The following TMEM178B variants were observed in gnomAD, a reference collection of about 807,000 sequenced individuals.
TMEM178B encodes the protein transmembrane protein 178B.
Under a neutral mutation model 31.0 loss-of-function variants are expected in TMEM178B, and 5 were observed. The observed-to-expected ratio is 0.16, with a 90% confidence interval of 0.08 to 0.34. The LOEUF (loss-of-function observed/expected upper bound fraction) is 0.34. Among genes scored for constraint, TMEM178B ranks in the 10% least tolerant of loss-of-function variants. TMEM178B has a pLI of 1.00. For missense variants in TMEM178B, 275 were observed against 400.3 expected (o/e 0.69, Z 2.67); for synonymous variants, 164 against 164.0 (o/e 1.00, Z 0.00).
chr7:141,457,464 C>T (rs768179899), intron 3 of TMEM178B, among the ~76,000 whole-genome samples: 6 of 151,706 alleles, frequency 4.0e-5, no homozygotes, highest in Admixed American at 6.6e-5. Context: ...ACAGAAGATA[C>T]AGAAACTGAG....
chr7:141,110,110 G>A (rs182120880), intron 1 of TMEM178B, among the ~76,000 whole-genome samples: 187 of 152,294 alleles, frequency 1.2e-3, no homozygotes, highest in Non-Finnish European at 2.4e-3. Flanking sequence ...TTGGATTTTA[G>A]CAGCTTATTT....
At chr7:141,317,215 G>T (rs1052742109) in intron 2 of TMEM178B, among the ~76,000 whole-genome samples, 2 of 152,168 alleles carry the variant, frequency 1.3e-5, no homozygotes, top group African/African-American at 4.8e-5. Context: ...GTATTCAAAA[G>T]CAGCATCTAG....
At chr7:141,433,027 T>C (rs1160614370) in intron 2 of TMEM178B, among the ~76,000 whole-genome samples, 2 of 152,242 alleles carry the variant, frequency 1.3e-5, no homozygotes, top group Non-Finnish European at 2.9e-5. Context: ...GGATCAATGC[T>C]AAAACTCAAC....
chr7:141,483,025 C>T (rs2116749084), downstream of TMEM178B, among the ~76,000 whole-genome samples: 1 of 152,186 alleles, frequency 6.6e-6, no homozygotes, highest in Non-Finnish European at 1.5e-5. Flanking sequence ...TGACCCATGG[C>T]CAAGGTCTCC....
At position 141,408,181 on chromosome 7, in the gene TMEM178B, G is replaced by GA. The variant is rs35732847; in HGVS notation, c.497-29415dup. Among the ~76,000 whole-genome samples the GA allele has an allele frequency of 8.3e-3, 1,193 of 142,888 alleles. 12 individuals are homozygous for GA. Among genetic ancestry groups the GA allele is most frequent in the African/African-American group, 0.024 (952 of 39,166 alleles). The allele number at this position is 142,888 out of a possible 152,430, so 93.7% of individuals were successfully genotyped here. A position where few individuals can be genotyped will look rare whatever the true frequency, so the allele number is the denominator to read the frequency against. On this transcript the variant is annotated intron_variant, in intron 2 of 3. Coordinates refer to ENST00000565468, the MANE Select transcript of TMEM178B (RefSeq NM_001195278.2). ...CTAGTTGTCAGCAGCACCAGGGCTA[G>GA]AAAAAAAAAAAAGGTGAACCTATAA...
At chr7:141,309,802 G>T (rs918393905) in intron 2 of TMEM178B, among the ~76,000 whole-genome samples, 2 of 152,104 alleles carry the variant, frequency 1.3e-5, no homozygotes, top group Non-Finnish European at 2.9e-5. Context: ...TTAGGATTGG[G>T]TTAGAGAAAT....
In TMEM178B at chr7:141,256,088, GTCTA is replaced by G. The variant is rs1797923709; in HGVS notation, c.496+43390_496+43393del. Among the ~76,000 whole-genome samples the G allele has an allele frequency of 3.3e-5, 5 of 151,654 alleles. No homozygotes were observed. The South Asian group carries it at 8.4e-4, about 25-fold the overall frequency. On this transcript the variant is annotated intron_variant, in intron 2 of 3. Transcript: ENST00000565468. ...CATCCCTCCATCCATCCCTCCCTCT[GTCTA>G]TCTATTCACTTATTTATTCATTCAG...
intron 2 of TMEM178B, among the ~76,000 whole-genome samples, chr7:141,360,558 G>C (rs771308420): frequency 2.0e-5 from 3 of 152,220 alleles, no homozygotes; most frequent in Non-Finnish European, 4.4e-5. Flanking sequence ...GGCTGTAGCT[G>C]TCTGACAAGT....
chr7:141,272,757 G>A (rs568134559), intron 2 of TMEM178B, among the ~76,000 whole-genome samples: 2 of 152,194 alleles, frequency 1.3e-5, no homozygotes, highest in Non-Finnish European at 2.9e-5. Context: ...AACATGACTT[G>A]CGGACAAGAT....
At chr7:141,175,780 A>G (rs549658122) in intron 1 of TMEM178B, among the ~76,000 whole-genome samples, 1 of 152,290 alleles carries the variant, frequency 6.6e-6, no homozygotes, top group South Asian at 2.1e-4. Flanking sequence ...GGTGTATAGG[A>G]ATGCTTGTGA....
intron 2 of TMEM178B, among the ~76,000 whole-genome samples, chr7:141,424,088 G>C (rs139798198): frequency 6.6e-6 from 1 of 152,046 alleles, no homozygotes; most frequent in Non-Finnish European, 1.5e-5. Flanking sequence ...AAAATGCTGG[G>C]ATTACAGGTG....
intron 2 of TMEM178B, among the ~76,000 whole-genome samples, chr7:141,235,260 A>G (rs1348842470): frequency 1.3e-5 from 2 of 152,224 alleles, no homozygotes; most frequent in East Asian, 3.9e-4. Flanking sequence ...TATTAATAAT[A>G]GTTTAATGGT....
In TMEM178B at chr7:141,471,879, G is replaced by A. The variant is rs1166319074; in HGVS notation, c.*1093G>A. 6.6e-6 allele frequency: 1 copy of A among 151,804 alleles called. No homozygotes were observed. Among genetic ancestry groups the A allele is most frequent in the African/African-American group, 2.4e-5 (1 of 41,286 alleles). 9.4% of individuals were successfully genotyped at this position (151,804 alleles called of 1,614,324 possible). On this transcript the variant is annotated 3_prime_UTR_variant, in exon 4 of 4. Coordinates refer to ENST00000565468, the MANE Select transcript of TMEM178B (RefSeq NM_001195278.2). This position sits in a 1 kb window ranked among gnomAD's most constrained non-coding sequence, Gnocchi z 4.1. ...TGTTGTGTTTTTTTAAATTGTTTCT[G>A]GTATAGCTGAAATTTCCAGAGGGCA...
intron 2 of TMEM178B, among the ~76,000 whole-genome samples, chr7:141,384,613 CT>C: frequency 6.6e-6 from 1 of 152,346 alleles, no homozygotes; most frequent in South Asian, 2.1e-4. Flanking sequence ...GTTTTGGTTA[CT>C]GTAGCCTTGC....
intron 2 of TMEM178B, among the ~76,000 whole-genome samples, chr7:141,351,059 T>C (rs1000066751): frequency 6.6e-6 from 1 of 152,222 alleles, no homozygotes; most frequent in African/African-American, 2.4e-5. Context: ...GGAAGTGATG[T>C]TAGCAGTGTG....
At chr7:141,126,783 G>C (rs1795503756) in intron 1 of TMEM178B, among the ~76,000 whole-genome samples, 1 of 152,140 alleles carries the variant, frequency 6.6e-6, no homozygotes, top group South Asian at 2.1e-4. Flanking sequence ...TCACGTGCGA[G>C]ACCTTGGTCT....
Position 141,126,042 on chromosome 7 carries a change from G to C in TMEM178B, c.382+51350G>C, listed in dbSNP as rs527495856. ...TCCCTAACAGGCTTTGTGCTAGTTAGCAGGAAGGGAGCAAGACAGTTACCA... is the reference window on the plus strand; with the variant it reads ...TCCCTAACAGGCTTTGTGCTAGTTACCAGGAAGGGAGCAAGACAGTTACCA... On this transcript the variant is annotated intron_variant, in intron 1 of 3. Transcript: ENST00000565468. 8.5e-5 allele frequency among the ~76,000 whole-genome samples: 13 copies of C among 152,328 alleles called. No individual in the cohort carries two copies. In the East Asian group the frequency reaches 2.5e-3, roughly 29 times the overall value.
At chr7:141,314,536 C>G (rs1160911740) in intron 2 of TMEM178B, among the ~76,000 whole-genome samples, 1 of 152,192 alleles carries the variant, frequency 6.6e-6, no homozygotes, top group Non-Finnish European at 1.5e-5. Context: ...TTTCTGGCCC[C>G]TGTGGTCTAG....
chr7:141,321,187 C>A (rs1387963889), intron 2 of TMEM178B, among the ~76,000 whole-genome samples: 1 of 152,194 alleles, frequency 6.6e-6, no homozygotes, highest in African/African-American at 2.4e-5. Flanking sequence ...AAGCACACAT[C>A]CCTGATGATC....
Sources: allele counts gnomAD v4.1 joint callset (sites outside exome capture counted in the v4.1 genomes callset), GRCh38; gene constraint gnomAD v4.1.1; non-coding constraint Gnocchi (gnomAD v3.1); transcripts MANE v1.5; gene names NCBI Gene and HGNC (gene_info 2026-07-23, HGNC 2026-07-21).